Variants in CFAP99 observed in about 807,000 individuals in gnomAD.
The protein encoded by CFAP99 is cilia- and flagella-associated protein 99.
In CFAP99, 84 loss-of-function variants were observed where a neutral mutation model predicts 82.7. The observed-to-expected ratio is 1.02, with a 90% CI of 0.85 to 1.22. The LOEUF (loss-of-function observed/expected upper bound fraction) is 1.22. Ranked by LOEUF, CFAP99 falls within the 50% of genes most tolerant of loss-of-function variation. The probability of loss-of-function intolerance (pLI) is 0.00; values close to 1 mark genes in which losing one functional copy is unlikely to be tolerated. For synonymous variants in CFAP99, 456 were observed against 429.5 expected, an observed-to-expected ratio of 1.06 and a Z score of -0.76; for missense variants, 1,059 against 983.5, an observed-to-expected ratio of 1.08 and a Z score of -1.03.
chr4:2,436,833 C>T (rs1560380762), intron 2 of CFAP99, 41 bp from the exon 3 acceptor site: 1 of 1,530,384 alleles, frequency 6.5e-7, no homozygotes, highest in Non-Finnish European at 8.8e-7. Flanking sequence ...CCCTTTCCTC[C>T]CGGCCCAGCC....
chr4:2,421,892 A>AG (rs896729262), intron 1 of CFAP99, among the ~76,000 whole-genome samples: 13 of 151,950 alleles, frequency 8.6e-5, no homozygotes, highest in Non-Finnish European at 1.6e-4. Context: ...AAAAAAAAAA[A>AG]AAATTAAGCA....
chr4:2,453,239 A>C (rs1734343479), intron 11 of CFAP99, among the ~76,000 whole-genome samples: 1 of 152,166 alleles, frequency 6.6e-6, no homozygotes, highest in South Asian at 2.1e-4. Context: ...ACACACTTGT[A>C]TATACATAGT....
Position 2,459,124 on chromosome 4 carries a change from G to T in CFAP99, c.1321G>T (p.Glu441Ter). 6.6e-7 allele frequency: 1 copy of T among 1,523,342 alleles called. No homozygotes were observed. Among genetic ancestry groups the T allele is most frequent in the African/African-American group, 1.4e-5 (1 of 72,608 alleles). 94.4% of individuals were successfully genotyped at this position (1,523,342 alleles called of 1,614,324 possible). The change falls in exon 13 of 15, where the codon GAG becomes TAG. Residue 441 changes from glutamate to a stop codon, truncating the protein, a stop_gained. Coordinates refer to ENST00000635017, the Ensembl canonical transcript of CFAP99. LOFTEE classifies it high-confidence loss of function. Reference sequence around the variant, plus strand: ...CCCCCAAGTTCAGGAGGCGATCGAGGAGAGCAGGGGGCTGCTGCAGCGCAG... The same window carrying T: ...CCCCCAAGTTCAGGAGGCGATCGAGTAGAGCAGGGGGCTGCTGCAGCGCAG...
In CFAP99 at chr4:2,437,036, C is replaced by T. The variant is rs988699493; in HGVS notation, c.256+18C>T. The T allele has an allele frequency of 9.8e-6, 15 of 1,535,712 alleles. No individual in the cohort carries two copies. The highest frequency in any genetic ancestry group is 1.2e-5 in the Non-Finnish European group (14 of 1,146,738). Reference sequence around the variant, plus strand: ...CTTCGAGGGTAGGTGCCTGGCTGGTCCCCAGGGCCAGGCCGTAGAGACGGT... The same window carrying T: ...CTTCGAGGGTAGGTGCCTGGCTGGTTCCCAGGGCCAGGCCGTAGAGACGGT... On this transcript the variant is annotated intron_variant, in intron 3 of 14. Transcript: ENST00000635017.
At chr4:2,433,749 G>A (rs1208531718) in intron 2 of CFAP99, among the ~76,000 whole-genome samples, 1 of 152,234 alleles carries the variant, frequency 6.6e-6, no homozygotes, top group East Asian at 1.9e-4. Flanking sequence ...TGTCCTGCAA[G>A]GGCTGGTCAG....
chr4:2,426,891 A>G, intron 2 of CFAP99: 1 of 295,262 alleles, frequency 3.4e-6, no homozygotes, highest in Non-Finnish European at 6.5e-6. Context: ...CCCATGCCCC[A>G]CCCCCACTTT....
chr4:2,441,234 ATGG>A (rs1282192197), intron 4 of CFAP99, among the ~76,000 whole-genome samples: 2 of 151,840 alleles, frequency 1.3e-5, no homozygotes, highest in Admixed American at 1.3e-4. Context: ...TTAGCCGGTC[ATGG>A]TGGCACGCGC....
At chr4:2,434,656 C>T (rs781235797) in intron 2 of CFAP99, among the ~76,000 whole-genome samples, 2 of 152,170 alleles carry the variant, frequency 1.3e-5, no homozygotes, top group Non-Finnish European at 2.9e-5. Flanking sequence ...CAGGCAGGGG[C>T]GAGCAGAAGG....
chr4:2,444,342 T>A (rs1734113953), intron 5 of CFAP99, among the ~76,000 whole-genome samples: 1 of 152,190 alleles, frequency 6.6e-6, no homozygotes, highest in Non-Finnish European at 1.5e-5. Flanking sequence ...CTCTGCCTAC[T>A]CTAGGACCAG....
exon 12 of CFAP99, chr4:2,458,724 T>C: frequency 1.3e-6 from 2 of 1,532,742 alleles, no homozygotes; most frequent in Non-Finnish European, 1.7e-6. Flanking sequence ...TCTGGGCAGA[T>C]GGCCAAGCTG....
At chr4:2,427,750 A>C (rs13110795) in intron 2 of CFAP99, 28,667 of 152,374 alleles carry the variant, frequency 0.19, 3,246 homozygotes, top group African/African-American at 0.32. Flanking sequence ...TTGGGGTAGA[A>C]TGAGGGGTTC....
At chr4:2,432,812 C>G (rs1055440988) in intron 2 of CFAP99, among the ~76,000 whole-genome samples, 1 of 152,226 alleles carries the variant, frequency 6.6e-6, no homozygotes, top group East Asian at 1.9e-4. Context: ...AGCCACAGGC[C>G]GGTCTCAGTG....
At chr4:2,424,532 G>A (rs906435738) in intron 1 of CFAP99, among the ~76,000 whole-genome samples, 2 of 152,176 alleles carry the variant, frequency 1.3e-5, no homozygotes, top group Non-Finnish European at 2.9e-5. Flanking sequence ...ACAGGCCCTG[G>A]GCTGATGCCA....
At chr4:2,460,667 CA>C (rs549437257) in intron 14 of CFAP99, among the ~76,000 whole-genome samples, 86 of 152,342 alleles carry the variant, frequency 5.6e-4, no homozygotes, top group African/African-American at 1.8e-3. Context: ...GAAAATGGAA[CA>C]AAAATTCCCA....
chr4:2,450,128 G>C, intron 8 of CFAP99, 123 bp downstream of exon 8: 1 of 991,310 alleles, frequency 1.0e-6, no homozygotes, highest in Non-Finnish European at 1.5e-6. Context: ...GGCCGGGGAG[G>C]GGCGGATTCC....
chr4:2,449,028 G>A (rs1429016276), intron 6 of CFAP99, among the ~76,000 whole-genome samples: 1 of 152,154 alleles, frequency 6.6e-6, no homozygotes, highest in Non-Finnish European at 1.5e-5. Context: ...ATGAGGGTTT[G>A]AGGTTTGGAC....
At chr4:2,452,240 G>A in exon 11 of CFAP99, 3 of 1,536,142 alleles carry the variant, frequency 2.0e-6, no homozygotes, top group Non-Finnish European at 2.6e-6. Context: ...CTGGCTGCAA[G>A]CGAGTGCCGG....
intron 11 of CFAP99, among the ~76,000 whole-genome samples, chr4:2,458,243 T>C (rs1452162667): frequency 3.9e-5 from 6 of 152,248 alleles, no homozygotes; most frequent in Non-Finnish European, 8.8e-5. Flanking sequence ...TCACCTCATA[T>C]TTCTACACAA....
intron 1 of CFAP99, among the ~76,000 whole-genome samples, chr4:2,424,614 G>A (rs1226216289): frequency 1.3e-5 from 2 of 152,158 alleles, no homozygotes; most frequent in Admixed American, 6.5e-5. Flanking sequence ...GAACATGCCA[G>A]GTGCTCCTCC....
Sources: allele counts gnomAD v4.1 joint callset (sites outside exome capture counted in the v4.1 genomes callset), GRCh38; gene constraint gnomAD v4.1.1; transcripts MANE v1.5; gene names NCBI Gene and HGNC (gene_info 2026-07-23, HGNC 2026-07-21).